FAM222A: variants seen among roughly 807,000 people sequenced by gnomAD.
FAM222A encodes the protein family with sequence similarity 222 member A.
Under a neutral mutation model 25.8 loss-of-function variants are expected in FAM222A, and 7 were observed. The ratio of observed to expected loss-of-function variants is 0.27; its 90% CI spans 0.15 to 0.51. The LOEUF (loss-of-function observed/expected upper bound fraction) is 0.51, where lower values mean the gene tolerates loss of function less well. Among genes scored for constraint, FAM222A ranks in the 20% least tolerant of loss-of-function variants. The pLI, the probability that FAM222A is intolerant of heterozygous loss-of-function variation, is 0.97. For synonymous variants in FAM222A, 294 were observed against 298.8 expected (o/e 0.98, Z 0.17); for missense variants, 573 against 640.5 (o/e 0.89, Z 1.14).
rs76793444 is a variant in FAM222A, at chr12:109,752,981, A to G, written c.82+8753A>G. 3.4e-3 allele frequency among the ~76,000 whole-genome samples: 516 copies of G among 152,288 alleles called. 31 individuals carry two copies. In the East Asian group the frequency reaches 0.097, roughly 29 times the overall value. ...TGGGAAAAGTGACCTGCAGAAAAAC[A>G]AAGGAACCTGCCTACCCCTGGGCCA... On this transcript the variant is annotated intron_variant, in intron 2 of 2. Coordinates refer to ENST00000538780, the MANE Select transcript of FAM222A (RefSeq NM_032829.3).
intron 1 of FAM222A, among the ~76,000 whole-genome samples, chr12:109,740,028 G>A (rs934829333): frequency 5.3e-5 from 8 of 152,172 alleles, no homozygotes; most frequent in Non-Finnish European, 7.4e-5. Context: ...CCAGACAGGC[G>A]AGGGCGAGAT....
At chr12:109,759,195 C>G (rs1565846200) in intron 2 of FAM222A, among the ~76,000 whole-genome samples, 1 of 152,182 alleles carries the variant, frequency 6.6e-6, no homozygotes, top group South Asian at 2.1e-4. Context: ...AGGCGACTTG[C>G]CCTCTCCAAG....
intron 1 of FAM222A, among the ~76,000 whole-genome samples, chr12:109,725,883 C>G (rs1314500544): frequency 6.6e-6 from 1 of 151,944 alleles, no homozygotes; most frequent in Admixed American, 6.6e-5. Context: ...AAAAGGGAAA[C>G]TCCACAGTGT....
chr12:109,747,591 A>T (rs143819660), intron 2 of FAM222A, among the ~76,000 whole-genome samples: 130 of 152,340 alleles, frequency 8.5e-4, no homozygotes, highest in African/African-American at 3.0e-3. Context: ...TGACACTTTT[A>T]TGACACTGCC....
At chr12:109,727,648 G>C (rs1245777992) in intron 1 of FAM222A, among the ~76,000 whole-genome samples, 1 of 152,192 alleles carries the variant, frequency 6.6e-6, no homozygotes, top group Non-Finnish European at 1.5e-5. Context: ...AACTTGCCAC[G>C]CTGGCACGTG....
intron 1 of FAM222A, among the ~76,000 whole-genome samples, chr12:109,727,339 A>C (rs1887862544): frequency 6.6e-6 from 1 of 152,056 alleles, no homozygotes; most frequent in African/African-American, 2.4e-5. Context: ...GGGTGCTGCC[A>C]GCTGCCATCC....
At chr12:109,759,962 G>T (rs1218292482) in intron 2 of FAM222A, among the ~76,000 whole-genome samples, 1 of 152,326 alleles carries the variant, frequency 6.6e-6, no homozygotes, top group Admixed American at 6.5e-5. Context: ...CAGCATGGGG[G>T]TCCTACGAGG....
chr12:109,768,126 A>G lies in FAM222A; in HGVS notation c.197A>G (p.Asn66Ser), dbSNP rs1889113084. Residue 66 changes from asparagine to serine, a missense_variant, in exon 3 of 3, where the codon AAC becomes AGC. Coordinates refer to ENST00000538780, the MANE Select transcript of FAM222A (RefSeq NM_032829.3). Reference protein sequence around the residue: ...SPLSIKIFPTNIRVPQHKHLS... With the variant: ...SPLSIKIFPTSIRVPQHKHLS... ...CTGTCCATCAAGATCTTCCCCACCA[A>G]CATCCGTGTGCCCCAGCACAAGCAC... 2 of 1,613,926 alleles carry G rather than the reference A, an allele frequency of 1.2e-6. No individual in the cohort carries two copies. Among genetic ancestry groups the G allele is most frequent in the African/African-American group, 2.7e-5 (2 of 75,038 alleles).
At chr12:109,760,880 T>C (rs973751390) in intron 2 of FAM222A, among the ~76,000 whole-genome samples, 2 of 152,134 alleles carry the variant, frequency 1.3e-5, no homozygotes, top group African/African-American at 2.4e-5. Flanking sequence ...GGGCCTTGAA[T>C]GCCACCCTCA....
chr12:109,715,322 A>G (rs1003118542), intron 1 of FAM222A, among the ~76,000 whole-genome samples: 2 of 152,222 alleles, frequency 1.3e-5, no homozygotes, highest in Non-Finnish European at 2.9e-5. Flanking sequence ...TTGGGGTTCC[A>G]GAAACGCAGG....
chr12:109,736,978 T>G (rs1056877466), intron 1 of FAM222A, among the ~76,000 whole-genome samples: 1 of 152,130 alleles, frequency 6.6e-6, no homozygotes, highest in African/African-American at 2.4e-5. Context: ...CTGAGGGCCC[T>G]GTGCTCAGGC....
Position 109,737,166 on chromosome 12 carries a change from G to A in FAM222A, c.-46-6935G>A, listed in dbSNP as rs187010731. Among the ~76,000 whole-genome samples the A allele has an allele frequency of 5.3e-5, 8 of 152,114 alleles. No individual in the cohort carries two copies. In the East Asian group the frequency reaches 1.6e-3, roughly 30 times the overall value. On this transcript the variant is annotated intron_variant, in intron 1 of 2. Coordinates refer to ENST00000538780, the MANE Select transcript of FAM222A (RefSeq NM_032829.3). The stretch of plus-strand genomic sequence containing the variant: ...TTTTAAGGGGTAGAGAGCCAGAAAG[G>A]GCTTTTGAGCAGTCCTTCTGCTCAA...
At chr12:109,718,646 TG>T (rs1178972901) in intron 1 of FAM222A, among the ~76,000 whole-genome samples, 56 of 152,230 alleles carry the variant, frequency 3.7e-4, no homozygotes, top group Non-Finnish European at 1.8e-4. Context: ...GCGCTTTCTC[TG>T]CCTGTGCGTT....
At chr12:109,761,811 T>G (rs1192369996) in intron 2 of FAM222A, among the ~76,000 whole-genome samples, 1 of 152,106 alleles carries the variant, frequency 6.6e-6, no homozygotes, top group Non-Finnish European at 1.5e-5. Flanking sequence ...TGGGGGGTCG[T>G]AGGAAGACCT....
rs187243354 is a variant in FAM222A at position 109,723,005 on chromosome 12, G to T, written c.-47+8108G>T. Among the ~76,000 whole-genome samples the T allele has an allele frequency of 6.1e-4, 93 of 151,734 alleles. No homozygotes were observed. In the East Asian group the frequency reaches 6.8e-3, roughly 11 times the overall value. On this transcript the variant is annotated intron_variant, in intron 1 of 2. Transcript: ENST00000538780. ...TTCCCAGCTTGGAGGGAGCGGGTGG[G>T]GGGGGGAGGGGGTATCAGGGCCTTA...
intron 1 of FAM222A, among the ~76,000 whole-genome samples, chr12:109,740,954 C>G (rs1161420455): frequency 6.6e-6 from 1 of 152,124 alleles, no homozygotes; most frequent in Non-Finnish European, 1.5e-5. Context: ...GGCAGGAGAA[C>G]CAGCAGGGGC....
At chr12:109,735,894 A>G (rs897845616) in intron 1 of FAM222A, 2 of 152,282 alleles carry the variant, frequency 1.3e-5, no homozygotes, top group African/African-American at 4.8e-5. Flanking sequence ...CTAGGAGAAC[A>G]GAGGCTCAGC....
intron 2 of FAM222A, among the ~76,000 whole-genome samples, chr12:109,761,674 C>T (rs1454312378): frequency 1.3e-5 from 2 of 152,162 alleles, no homozygotes; most frequent in Non-Finnish European, 2.9e-5. Context: ...CCAGGCCTCT[C>T]GAACCTCATG....
Position 109,768,734 on chromosome 12 carries a change from T to A in FAM222A, c.805T>A (p.Leu269Met). Reference sequence around the variant, plus strand: ...CCAGGGAGCCACCCAAGCCTTGACGTTGGCTGGGGCCGCCAAGCCTGCAGG... The same window carrying A: ...CCAGGGAGCCACCCAAGCCTTGACGATGGCTGGGGCCGCCAAGCCTGCAGG... Reference protein sequence around the residue: ...LGQGATQALTLAGAAKPAGYA... With the variant: ...LGQGATQALTMAGAAKPAGYA... Residue 269 changes from leucine to methionine, a missense_variant, in exon 3 of 3, where the codon TTG (leucine) becomes ATG (methionine). Leu to Met is a conservative substitution (Grantham distance 15). Coordinates refer to ENST00000538780, the MANE Select transcript of FAM222A (RefSeq NM_032829.3). 6.3e-7 allele frequency: 1 copy of A among 1,578,858 alleles called. No individual in the cohort carries two copies. The highest frequency in any genetic ancestry group is 8.6e-7 in the Non-Finnish European group (1 of 1,166,864).
Sources: gnomAD v4.1 joint callset for allele counts (sites outside exome capture counted in the v4.1 genomes callset) on GRCh38, gnomAD v4.1.1 for gene constraint, MANE v1.5 for transcripts, NCBI Gene and HGNC (gene_info 2026-07-23, HGNC 2026-07-21) for gene names.